The following ALCAM variants were observed in gnomAD, a reference collection of about 807,000 sequenced individuals.
ALCAM encodes the protein activated leukocyte cell adhesion molecule.
In ALCAM, 30 loss-of-function variants were observed where a neutral mutation model predicts 70.9. The observed-to-expected ratio is 0.42, with a 90% confidence interval of 0.32 to 0.57. The LOEUF (loss-of-function observed/expected upper bound fraction) is 0.57, where lower values mean the gene tolerates loss of function less well. Ranked by LOEUF, ALCAM falls within the 20% of genes least tolerant of loss-of-function variation. The probability of loss-of-function intolerance (pLI) is 0.11; values close to 1 mark genes in which losing one functional copy is unlikely to be tolerated. For missense variants in ALCAM, 591 were observed against 695.1 expected (o/e 0.85, Z 1.68); for synonymous variants, 249 against 242.5 (o/e 1.03, Z -0.25).
chr3:105,398,899 T>C (rs1239064641), intron 1 of ALCAM, among the ~76,000 whole-genome samples: 1 of 152,048 alleles, frequency 6.6e-6, no homozygotes, highest in Non-Finnish European at 1.5e-5. Context: ...TCATAAGCTT[T>C]TTTTTTTCCT....
intron 2 of ALCAM, among the ~76,000 whole-genome samples, chr3:105,522,056 T>C (rs1442468512): frequency 6.6e-6 from 1 of 152,124 alleles, no homozygotes; most frequent in Non-Finnish European, 1.5e-5. Flanking sequence ...TTGATGATCA[T>C]AGAAAATTCT....
In ALCAM at chr3:105,520,133, T is replaced by C. The variant is rs371732188; in HGVS notation, c.140T>C (p.Val47Ala). ...DTIIIPCRLDVPQNLMFGKWK... is the reference protein window; with the variant it reads ...DTIIIPCRLDAPQNLMFGKWK... ...ATTATCATACCTTGCCGACTTGACG[T>C]ACCTCAGAATCTCATGTTTGGCAAA... Residue 47 changes from valine to alanine, a missense_variant, in exon 2 of 16, where the codon GTA (valine) becomes GCA (alanine). By Grantham distance (64) the Val-to-Ala change is moderately conservative. Coordinates refer to ENST00000306107, the MANE Select transcript of ALCAM (RefSeq NM_001627.4). 8.1e-6 allele frequency: 13 copies of C among 1,613,072 alleles called. No homozygotes were observed. In the African/African-American group the frequency reaches 1.6e-4, roughly 20 times the overall value.
intron 1 of ALCAM, among the ~76,000 whole-genome samples, chr3:105,425,783 G>C (rs1473235732): frequency 6.7e-6 from 1 of 148,664 alleles, no homozygotes; most frequent in African/African-American, 2.5e-5. Context: ...TTACTTTAAA[G>C]TGGAGTAGAT....
chr3:105,390,122 C>A (rs1259432035), intron 1 of ALCAM, among the ~76,000 whole-genome samples: 4 of 151,982 alleles, frequency 2.6e-5, no homozygotes, highest in African/African-American at 4.8e-5. Flanking sequence ...ATGGCTGGGT[C>A]AAATGGTATT....
intron 14 of ALCAM, among the ~76,000 whole-genome samples, chr3:105,566,735 C>T (rs558616563): frequency 6.6e-6 from 1 of 152,214 alleles, no homozygotes; most frequent in Non-Finnish European, 1.5e-5. Context: ...ATTGTCACAT[C>T]TGTTTTATCT....
chr3:105,439,074 C>T (rs1937115693), intron 1 of ALCAM, among the ~76,000 whole-genome samples: 1 of 152,176 alleles, frequency 6.6e-6, no homozygotes, highest in Non-Finnish European at 1.5e-5. Context: ...GGGCCTTAGA[C>T]AGTGAGTAAT....
At chr3:105,473,547 A>G (rs1276086081) in intron 1 of ALCAM, among the ~76,000 whole-genome samples, 1 of 151,630 alleles carries the variant, frequency 6.6e-6, no homozygotes, top group Non-Finnish European at 1.5e-5. Flanking sequence ...CTAGGCTTAA[A>G]TACAAACTGG....
At chr3:105,387,447 C>T (rs1377706662) in intron 1 of ALCAM, among the ~76,000 whole-genome samples, 1 of 151,346 alleles carries the variant, frequency 6.6e-6, no homozygotes. Flanking sequence ...CATTGATTCT[C>T]ACAGCAGAAC....
chr3:105,395,726 A>G (rs770941222), intron 1 of ALCAM, among the ~76,000 whole-genome samples: 2 of 152,064 alleles, frequency 1.3e-5, no homozygotes, highest in Non-Finnish European at 2.9e-5. Context: ...ATGCATCTCT[A>G]TAATGAAGCT....
intron 9 of ALCAM, 101 bp downstream of exon 9, chr3:105,545,436 GT>G: frequency 1.3e-6 from 1 of 744,386 alleles, no homozygotes; most frequent in Non-Finnish European, 2.3e-6. Context: ...TCATGGATGT[GT>G]TTATATACCA....
intron 1 of ALCAM, among the ~76,000 whole-genome samples, chr3:105,457,628 A>G (rs1290034001): frequency 1.3e-5 from 2 of 152,288 alleles, no homozygotes; most frequent in Admixed American, 6.5e-5. Flanking sequence ...AGAATGAATA[A>G]GACGAAGCTG....
intron 7 of ALCAM, among the ~76,000 whole-genome samples, chr3:105,541,111 ATTTCTTTT>A (rs1940104015): frequency 7.2e-6 from 1 of 139,158 alleles, no homozygotes; most frequent in Admixed American, 7.5e-5. Context: ...TAATTTCTTA[ATTTCTTTT>A]TTTCTTTTGT....
At chr3:105,476,626 CA>C (rs200067271) in intron 1 of ALCAM, among the ~76,000 whole-genome samples, 3 of 151,092 alleles carry the variant, frequency 2.0e-5, no homozygotes, top group Non-Finnish European at 3.0e-5. Flanking sequence ...AAACAAACAA[CA>C]AAAAAAAATC....
chr3:105,379,025 T>G (rs1400593627), intron 1 of ALCAM, among the ~76,000 whole-genome samples: 1 of 151,962 alleles, frequency 6.6e-6, no homozygotes, highest in Non-Finnish European at 1.5e-5. Context: ...ATAGATTTCT[T>G]TATATAACAG....
chr3:105,531,966 C>T (rs1474012321), intron 3 of ALCAM, 36 bp from the exon 4 acceptor site: 2 of 1,560,584 alleles, frequency 1.3e-6, no homozygotes, highest in South Asian at 1.1e-5. Context: ...GTTTTTCTTA[C>T]ATATGTACTT....
intron 14 of ALCAM, among the ~76,000 whole-genome samples, chr3:105,555,342 T>G (rs117958134): frequency 6.6e-6 from 1 of 152,074 alleles, no homozygotes; most frequent in Non-Finnish European, 1.5e-5. Context: ...CAAGGCTTTT[T>G]ATTAAGAATT....
chr3:105,551,896 T>C (rs1940417413), intron 12 of ALCAM, among the ~76,000 whole-genome samples: 1 of 151,552 alleles, frequency 6.6e-6, no homozygotes, highest in Non-Finnish European at 1.5e-5. Flanking sequence ...ATTCTATAGG[T>C]CATCAGTTAT....
chr3:105,540,458 A>G (rs1014584656), intron 7 of ALCAM, among the ~76,000 whole-genome samples: 2 of 152,052 alleles, frequency 1.3e-5, no homozygotes, highest in African/African-American at 4.8e-5. Flanking sequence ...TCTGCCCACA[A>G]CATTGCCCCG....
At chr3:105,488,860 G>A (rs917344609) in intron 1 of ALCAM, among the ~76,000 whole-genome samples, 2 of 152,104 alleles carry the variant, frequency 1.3e-5, no homozygotes, top group Non-Finnish European at 2.9e-5. Flanking sequence ...TTGGACTCCC[G>A]TATTCTCTTC....
Sources: gnomAD v4.1 joint callset for allele counts (sites outside exome capture counted in the v4.1 genomes callset) on GRCh38, gnomAD v4.1.1 for gene constraint, MANE v1.5 for transcripts, NCBI Gene and HGNC (gene_info 2026-07-23, HGNC 2026-07-21) for gene names.